HIGD1C: variants seen among roughly 807,000 people sequenced by gnomAD.
HIGD1C encodes HIG1 hypoxia inducible domain family member 1C.
HIGD1C carries 11 observed loss-of-function variants against 13.1 expected under a neutral mutation model. The observed-to-expected ratio is 0.84, with a 90% CI of 0.53 to 1.39. HIGD1C has a LOEUF of 1.39. Among genes scored for constraint, HIGD1C ranks in the 40% most tolerant of loss-of-function variants. HIGD1C has a pLI of 0.00. For missense variants in HIGD1C, 110 were observed against 112.0 expected, an observed-to-expected ratio of 0.98 and a Z score of 0.08; for synonymous variants, 36 against 37.7, an observed-to-expected ratio of 0.95 and a Z score of 0.17.
At chr12:50,962,301 T>C (rs911600912) in intron 2 of HIGD1C, among the ~76,000 whole-genome samples, 2 of 151,112 alleles carry the variant, frequency 1.3e-5, no homozygotes, top group African/African-American at 4.9e-5. Context: ...CCCAGCTACT[T>C]GGGGGAGGCT....
chr12:50,953,584 T>A (rs998257833), upstream of HIGD1C, among the ~76,000 whole-genome samples: 4 of 152,212 alleles, frequency 2.6e-5, no homozygotes, highest in Non-Finnish European at 5.9e-5. Context: ...TGGAAGTATT[T>A]TTGCCTATGT....
intron 2 of HIGD1C, among the ~76,000 whole-genome samples, chr12:50,966,703 T>C (rs1241688063): frequency 2.0e-5 from 3 of 152,220 alleles, no homozygotes; most frequent in Admixed American, 2.0e-4. Flanking sequence ...ACTGCTTCTA[T>C]TGGCAAAGGA....
At chr12:50,947,944 G>A in the HIGD1C span, among the ~76,000 whole-genome samples, 12 of 152,260 alleles carry the variant, frequency 7.9e-5, no homozygotes, top group South Asian at 4.1e-4. Flanking sequence ...GTGAGACTCC[G>A]TCTCAAATAA....
chr12:50,967,191 C>T (rs1244600443), intron 2 of HIGD1C, among the ~76,000 whole-genome samples: 1 of 152,076 alleles, frequency 6.6e-6, no homozygotes, highest in African/African-American at 2.4e-5. Flanking sequence ...TCATGGCTCA[C>T]TGCAGCCTCA....
At chr12:50,952,578 G>A (rs537772007), upstream of HIGD1C, among the ~76,000 whole-genome samples, 1 of 152,056 alleles carries the variant, frequency 6.6e-6, no homozygotes, top group Admixed American at 6.6e-5. Context: ...CAGCCTCTCG[G>A]GTCTCCACAG....
At chr12:50,970,083 T>C (rs1411529296) in intron 2 of HIGD1C, among the ~76,000 whole-genome samples, 5 of 152,164 alleles carry the variant, frequency 3.3e-5, no homozygotes, top group African/African-American at 1.2e-4. Flanking sequence ...CCATTTGTTT[T>C]CCTCGGGATA....
At chr12:50,967,113 CAA>C (rs58572587) in intron 2 of HIGD1C, among the ~76,000 whole-genome samples, 14,646 of 131,822 alleles carry the variant, frequency 0.11, 1,119 homozygotes, top group African/African-American at 0.23. Context: ...GACTCAGTCT[CAA>C]AAAAAAAAAA....
upstream of HIGD1C, among the ~76,000 whole-genome samples, chr12:50,953,014 C>T (rs188469737): frequency 1.3e-5 from 2 of 152,294 alleles, no homozygotes; most frequent in East Asian, 3.9e-4. Flanking sequence ...TTAATGTTGG[C>T]TTCAAAAGCC....
chr12:50,935,140 A>T, the HIGD1C span: 1 of 152,196 alleles, frequency 6.6e-6, no homozygotes, highest in Admixed American at 6.5e-5. Context: ...ATTCTTGTTT[A>T]TCTGTTAAAG....
chr12:50,949,855 CCAA>C (rs1431301978), upstream of HIGD1C, among the ~76,000 whole-genome samples: 1 of 152,032 alleles, frequency 6.6e-6, no homozygotes, highest in Non-Finnish European at 1.5e-5. Context: ...GAACCACCAC[CCAA>C]GGCAGGAATG....
chr12:50,961,200 G>A, intron 2 of HIGD1C, 98 bp downstream of exon 4: 8 of 1,238,252 alleles, frequency 6.5e-6, no homozygotes, highest in Non-Finnish European at 7.9e-6. Flanking sequence ...GGGTCACAAT[G>A]ATGTAATGAG....
intron 2 of HIGD1C, among the ~76,000 whole-genome samples, chr12:50,961,901 T>C (rs1939344013): frequency 6.6e-6 from 1 of 152,162 alleles, no homozygotes; most frequent in Admixed American, 6.6e-5. Context: ...GTGCTCCAAA[T>C]ACAGGAAGCC....
intron 2 of HIGD1C, among the ~76,000 whole-genome samples, chr12:50,969,880 G>T (rs943990636): frequency 6.6e-6 from 1 of 152,032 alleles, no homozygotes; most frequent in Non-Finnish European, 1.5e-5. Context: ...TTGCTTTTGG[G>T]TGAGAACATT....
At chr12:50,951,922 CA>C (rs202149759), upstream of HIGD1C, among the ~76,000 whole-genome samples, 1,688 of 87,300 alleles carry the variant, frequency 0.019, 28 homozygotes, top group African/African-American at 0.059. Flanking sequence ...AACTCCATCT[CA>C]AAAAAAAAAA....
chr12:50,961,008 C>T lies in HIGD1C; in HGVS notation c.135C>T (p.Tyr45=), dbSNP rs199916635. The T allele has an allele frequency of 1.9e-5, 30 of 1,608,708 alleles. No individual in the cohort carries two copies. In the East Asian group the frequency reaches 6.7e-4, roughly 36 times the overall value. ...TGACTGTGGTGTCCTGTGGTCTTTA[C>T]AAGCTAAAGTACAGAAGAGATCAGA... is the stretch of plus-strand genomic sequence containing the variant. Residue 45 remains tyrosine, a synonymous_variant, in exon 2 of 3, where the codon TAC becomes TAT. Transcript: ENST00000398455.
the HIGD1C span, among the ~76,000 whole-genome samples, chr12:50,938,415 T>C: frequency 6.6e-6 from 1 of 152,182 alleles, no homozygotes; most frequent in Non-Finnish European, 1.5e-5. Flanking sequence ...TCCAAGCCTG[T>C]TGGGGAAGGG....
the HIGD1C span, among the ~76,000 whole-genome samples, chr12:50,947,987 G>A: frequency 2.0e-5 from 3 of 152,148 alleles, no homozygotes; most frequent in African/African-American, 7.2e-5. Context: ...AGTGTGAAAT[G>A]GCAGAATAGT....
the HIGD1C span, among the ~76,000 whole-genome samples, chr12:50,932,807 T>C: frequency 6.6e-6 from 1 of 152,234 alleles, no homozygotes; most frequent in Admixed American, 6.5e-5. Flanking sequence ...GCTTTTACTA[T>C]TTTAACTATC....
At chr12:50,954,180 T>C (rs1031440485) in intron 1 of HIGD1C, 88 bp downstream of exon 3, 19 of 787,822 alleles carry the variant, frequency 2.4e-5, no homozygotes, top group African/African-American at 1.7e-4. Flanking sequence ...ATGTTTCTTA[T>C]AATTGAATTT....
Sources: gnomAD v4.1 joint callset for allele counts (sites outside exome capture counted in the v4.1 genomes callset) on GRCh38, gnomAD v4.1.1 for gene constraint, MANE v1.5 for transcripts, NCBI Gene and HGNC (gene_info 2026-07-23, HGNC 2026-07-21) for gene names.